Variants in VWA8 observed in about 807,000 individuals in gnomAD.
VWA8 encodes the protein von Willebrand factor A domain-containing protein 8.
Under a neutral mutation model 241.5 loss-of-function variants are expected in VWA8, and 221 were observed. That is an observed-to-expected ratio of 0.91 (90% CI 0.82 to 1.02). The LOEUF (loss-of-function observed/expected upper bound fraction) is 1.02, where lower values mean the gene tolerates loss of function less well. VWA8 is among the 50% of genes least tolerant of loss of function. The pLI is 0.00. For synonymous variants in VWA8, 852 were observed against 827.1 expected (o/e 1.03, Z -0.52); for missense variants, 2,322 against 2,328.7 (o/e 1.00, Z 0.06).
intron 21 of VWA8, among the ~76,000 whole-genome samples, chr13:41,743,370 T>C (rs183952578): frequency 1.3e-3 from 191 of 152,326 alleles, no homozygotes; most frequent in African/African-American, 4.5e-3. Context: ...ATTCCCCTAG[T>C]GAGAGACCTT....
intron 8 of VWA8, among the ~76,000 whole-genome samples, chr13:41,884,530 A>C (rs933637400): frequency 1.3e-5 from 2 of 150,884 alleles, no homozygotes; most frequent in African/African-American, 4.9e-5. Flanking sequence ...TGATACACAC[A>C]CTGAAGTATT....
At chr13:41,760,968 G>A (rs559932982) in intron 21 of VWA8, among the ~76,000 whole-genome samples, 160 bp downstream of exon 21, 78 of 152,012 alleles carry the variant, frequency 5.1e-4, no homozygotes, top group Non-Finnish European at 9.1e-4. Context: ...ATTTTGCATG[G>A]TTTTATTACC....
intron 17 of VWA8, among the ~76,000 whole-genome samples, chr13:41,792,582 G>A (rs1869508624): frequency 6.6e-6 from 1 of 151,732 alleles, no homozygotes; most frequent in Non-Finnish European, 1.5e-5. Flanking sequence ...AAAATTTCTT[G>A]GCTATTAGTA....
intron 10 of VWA8, among the ~76,000 whole-genome samples, chr13:41,866,561 T>C (rs1225964554): frequency 1.3e-5 from 2 of 152,104 alleles, no homozygotes; most frequent in Non-Finnish European, 2.9e-5. Context: ...TATTTTTTCA[T>C]TTAATAGATC....
intron 31 of VWA8, 128 bp from the exon 32 acceptor site, chr13:41,691,573 G>A (rs978997594): frequency 7.9e-7 from 1 of 1,267,192 alleles, no homozygotes; most frequent in African/African-American, 1.5e-5. Context: ...TAATAATATA[G>A]AAAAATGTTA....
intron 1 of VWA8, among the ~76,000 whole-genome samples, chr13:41,958,903 A>G (rs1168487016): frequency 6.6e-6 from 1 of 152,258 alleles, no homozygotes; most frequent in African/African-American, 2.4e-5. Context: ...TTTACAACTT[A>G]TCTACCAATA....
chr13:41,690,217 A>G lies in VWA8; in HGVS notation c.3925T>C (p.Leu1309=). 1 of 1,612,754 alleles carries G rather than the reference A, an allele frequency of 6.2e-7. No individual in the cohort carries two copies. The highest frequency in any genetic ancestry group is 8.5e-7 in the Non-Finnish European group (1 of 1,179,086). The change falls in exon 33 of 45, where the codon TTG becomes CTG. Residue 1309 remains leucine, a synonymous_variant. Transcript: ENST00000379310. The part of the protein sequence containing the change: ...IESEGSGVCQ[L]YVLKEEPPST... ...GGCGGCTCCTCTTTCAGCACATACAACTGGCAAACCCCACTACCCTCAGAT... is the reference window on the plus strand; with the variant it reads ...GGCGGCTCCTCTTTCAGCACATACAGCTGGCAAACCCCACTACCCTCAGAT...
intron 37 of VWA8, among the ~76,000 whole-genome samples, chr13:41,634,660 G>T (rs2044745767): frequency 6.6e-6 from 1 of 151,702 alleles, no homozygotes. Flanking sequence ...TGTGATGCCA[G>T]ACAAGTCATT....
chr13:41,867,947 C>T (rs1873389758), intron 10 of VWA8, among the ~76,000 whole-genome samples: 1 of 151,938 alleles, frequency 6.6e-6, no homozygotes, highest in Non-Finnish European at 1.5e-5. Context: ...ATATTATTTC[C>T]CTCTCTAAAA....
At position 41,575,812 on chromosome 13, in the gene VWA8, A is replaced by G. The variant is rs369845178; in HGVS notation, c.5298T>C (p.Asp1766=). The G allele has an allele frequency of 6.2e-7, 1 of 1,613,174 alleles. No individual in the cohort carries two copies. The highest frequency in any genetic ancestry group is 8.5e-7 in the Non-Finnish European group (1 of 1,179,856). Residue 1766 remains aspartate, a synonymous_variant, in exon 43 of 45, where the codon GAT becomes GAC. Coordinates refer to ENST00000379310, the MANE Select transcript of VWA8 (RefSeq NM_015058.2). ...TTGGAACCAGACCAATGTTGTAGCC[A>G]TCTCCAGAGTGTCCAACGATGTCAT... ...FQYDIVGHSG[D]GYNIGLVPMN...
intron 29 of VWA8, 91 bp from the exon 30 acceptor site, chr13:41,693,063 G>A (rs1402538430): frequency 1.3e-6 from 1 of 747,578 alleles, no homozygotes; most frequent in Non-Finnish European, 2.1e-6. Context: ...TGACAGTGAA[G>A]GTTATAGTGA....
chr13:41,876,528 G>GTCATCT (rs1316455110), intron 9 of VWA8, among the ~76,000 whole-genome samples: 1 of 152,036 alleles, frequency 6.6e-6, no homozygotes, highest in East Asian at 1.9e-4. Context: ...TTATTCAAAT[G>GTCATCT]TCATCTTCTC....
intron 1 of VWA8, among the ~76,000 whole-genome samples, chr13:41,958,961 A>G (rs1025233905): frequency 6.6e-6 from 1 of 152,238 alleles, no homozygotes; most frequent in South Asian, 2.1e-4. Flanking sequence ...GTGTTTTTAC[A>G]ATCAACATGT....
At chr13:41,593,878 C>T (rs2044472313) in intron 40 of VWA8, among the ~76,000 whole-genome samples, 2 of 152,002 alleles carry the variant, frequency 1.3e-5, no homozygotes, top group East Asian at 1.9e-4. Context: ...ATTCTTGGGC[C>T]GGGTTTAAGA....
chr13:41,687,064 G>A (rs1448352242), intron 34 of VWA8, among the ~76,000 whole-genome samples: 1 of 152,066 alleles, frequency 6.6e-6, no homozygotes, highest in Admixed American at 6.6e-5. Flanking sequence ...TGACTGTTAA[G>A]TTTTAAGAAT....
intron 35 of VWA8, among the ~76,000 whole-genome samples, chr13:41,679,633 G>C (rs1480126753): frequency 6.6e-6 from 1 of 152,032 alleles, no homozygotes; most frequent in African/African-American, 2.4e-5. Flanking sequence ...TTAAATAAAA[G>C]CTACCTCATT....
At chr13:41,943,008 T>C (rs1593887048) in intron 2 of VWA8, among the ~76,000 whole-genome samples, 1 of 152,198 alleles carries the variant, frequency 6.6e-6, no homozygotes, top group African/African-American at 2.4e-5. Context: ...CTGGCAGCTA[T>C]ACAGCAAAGA....
Position 41,611,674 on chromosome 13 carries a change from G to A in VWA8, c.4779C>T (p.Gly1593=), listed in dbSNP as rs756793012. 3.1e-6 allele frequency: 5 copies of A among 1,614,076 alleles called. No homozygotes were observed. The highest frequency in any genetic ancestry group is 2.2e-5 in the South Asian group (2 of 91,070). The change falls in exon 39 of 45, where the codon GGC becomes GGT. Residue 1593 remains glycine (G), a synonymous_variant. Transcript: ENST00000379310. ...CCTGAGAGACCTGGTACACCGTATG[G>A]CCTGCATCCAGCCGGTAAGGGCCTC... ...GKGGPYRLDA[G]HTVYQVSQAE...
intron 4 of VWA8, among the ~76,000 whole-genome samples, chr13:41,900,009 T>C (rs1875346200): frequency 6.6e-6 from 1 of 152,222 alleles, no homozygotes; most frequent in Non-Finnish European, 1.5e-5. Context: ...CTGTCTTTTA[T>C]GGCATACTGG....
Sources: allele counts gnomAD v4.1 joint callset (sites outside exome capture counted in the v4.1 genomes callset), GRCh38; gene constraint gnomAD v4.1.1; transcripts MANE v1.5; gene names NCBI Gene and HGNC (gene_info 2026-07-23, HGNC 2026-07-21).